The following TAFA1 variants were observed in gnomAD, a reference collection of about 807,000 sequenced individuals.
The protein encoded by TAFA1 is TAFA chemokine like family member 1, also known as chemokine-like protein TAFA-1.
A neutral mutation model predicts 18.5 loss-of-function variants in TAFA1; 4 were observed. The ratio of observed to expected loss-of-function variants is 0.22; its 90% confidence interval spans 0.11 to 0.49. TAFA1 has a LOEUF of 0.49. Ranked by LOEUF, TAFA1 falls within the 20% of genes least tolerant of loss-of-function variation. The pLI, the probability that TAFA1 is intolerant of heterozygous loss-of-function variation, is 0.98. For missense variants in TAFA1, 147 were observed against 169.0 expected (o/e 0.87, Z 0.72); for synonymous variants, 56 against 55.2 (o/e 1.01, Z -0.06).
intron 2 of TAFA1, among the ~76,000 whole-genome samples, chr3:68,229,618 A>G (rs942351717): frequency 1.3e-5 from 2 of 152,242 alleles, no homozygotes; most frequent in African/African-American, 4.8e-5. Context: ...ATTATAACAT[A>G]GTTGACGTTT....
intron 2 of TAFA1, among the ~76,000 whole-genome samples, chr3:68,303,343 G>C (rs899595083): frequency 6.6e-6 from 1 of 152,094 alleles, no homozygotes; most frequent in Non-Finnish European, 1.5e-5. Context: ...AGGAGCTTTT[G>C]GTTGACCATA....
chr3:68,262,068 G>A (rs888139200), intron 2 of TAFA1, among the ~76,000 whole-genome samples: 5 of 151,334 alleles, frequency 3.3e-5, no homozygotes, highest in African/African-American at 1.2e-4. Context: ...TGTGATCCAT[G>A]TTGAGCAAGT....
intron 3 of TAFA1, among the ~76,000 whole-genome samples, chr3:68,521,076 C>A (rs1046272213): frequency 6.6e-6 from 1 of 152,188 alleles, no homozygotes; most frequent in Non-Finnish European, 1.5e-5. Context: ...ACATAAGTGC[C>A]AGCCTTGCAG....
chr3:68,105,837 C>G (rs775265677), intron 2 of TAFA1, among the ~76,000 whole-genome samples: 4 of 152,076 alleles, frequency 2.6e-5, no homozygotes, highest in African/African-American at 9.7e-5. Context: ...TCAGCTGCCT[C>G]CCTATGTAAA....
intron 2 of TAFA1, among the ~76,000 whole-genome samples, chr3:68,380,522 T>C (rs1559642468): frequency 6.6e-6 from 1 of 152,232 alleles, no homozygotes; most frequent in Non-Finnish European, 1.5e-5. Context: ...TGGCCAGTGA[T>C]GATGAGCATT....
intron 3 of TAFA1, among the ~76,000 whole-genome samples, chr3:68,429,714 C>A (rs1312313548): frequency 1.3e-5 from 2 of 151,850 alleles, no homozygotes; most frequent in East Asian, 3.9e-4. Flanking sequence ...CATATCTCAA[C>A]ACTTGTTAAT....
At chr3:68,486,684 T>C (rs1054285667) in intron 3 of TAFA1, among the ~76,000 whole-genome samples, 35 of 152,248 alleles carry the variant, frequency 2.3e-4, no homozygotes, top group African/African-American at 7.0e-4. Flanking sequence ...TGACGACCTC[T>C]GGGTCTGCGA....
chr3:68,439,541 T>C (rs2071335663), intron 3 of TAFA1, among the ~76,000 whole-genome samples: 1 of 150,552 alleles, frequency 6.6e-6, no homozygotes, highest in Non-Finnish European at 1.5e-5. Flanking sequence ...GTCCCAAAGC[T>C]GAAGAACTTG....
In TAFA1 at chr3:68,305,746, T is replaced by C. The variant is rs897595530; in HGVS notation, c.119-111534T>C. On this transcript the variant is annotated intron_variant, in intron 2 of 4. Coordinates refer to ENST00000478136, the MANE Select transcript of TAFA1 (RefSeq NM_213609.4). Reference sequence around the variant, plus strand: ...GGGAAGAGGATATGTAATAGGAATATTGAGAGGCATCAGTGAAGTTGTTAA... The same window carrying C: ...GGGAAGAGGATATGTAATAGGAATACTGAGAGGCATCAGTGAAGTTGTTAA... 2.0e-5 allele frequency among the ~76,000 whole-genome samples: 3 copies of C among 151,992 alleles called. No individual in the cohort carries two copies. The East Asian group carries it at 5.8e-4, about 30-fold the overall frequency.
chr3:68,305,455 A>G (rs1380014398), intron 2 of TAFA1, among the ~76,000 whole-genome samples: 3 of 110,688 alleles, frequency 2.7e-5, no homozygotes, highest in African/African-American at 1.0e-4. Context: ...ATATATATAT[A>G]TAGGTAGAAG....
intron 2 of TAFA1, among the ~76,000 whole-genome samples, chr3:68,170,373 C>G (rs532840356): frequency 4.6e-5 from 7 of 152,294 alleles, no homozygotes; most frequent in Admixed American, 3.9e-4. Flanking sequence ...TGAAATTTCT[C>G]TGTGCAAACA....
intron 3 of TAFA1, among the ~76,000 whole-genome samples, chr3:68,427,508 GATAACTTTAT>G (rs2071079020): frequency 6.6e-6 from 1 of 151,828 alleles, no homozygotes; most frequent in Non-Finnish European, 1.5e-5. Context: ...GGAAAAATCT[GATAACTTTAT>G]ATAAGGAAGT....
chr3:68,330,985 G>A (rs1455445668), intron 2 of TAFA1, among the ~76,000 whole-genome samples: 1 of 151,922 alleles, frequency 6.6e-6, no homozygotes, highest in African/African-American at 2.4e-5. Flanking sequence ...AATTTTTACA[G>A]AATGTTCACA....
At position 68,254,172 on chromosome 3, in the gene TAFA1, T is replaced by TCTATCTATCTATCTAC. The variant is rs1553659962; in HGVS notation, c.119-163093_119-163092insCCTATCTATCTATCTA. Among the ~76,000 whole-genome samples, 1,275 of 149,052 alleles carry TCTATCTATCTATCTAC rather than the reference T, an allele frequency of 8.6e-3. 21 individuals carry two copies. Among genetic ancestry groups the TCTATCTATCTATCTAC allele is most frequent in the East Asian group, 0.039 (196 of 5,016 alleles). ...ATCTATCTATCTGTCTATCTATCTA[T>TCTATCTATCTATCTAC]CTATCTATCTATCTAATCTGTCTAT... On this transcript the variant is annotated intron_variant, in intron 2 of 4. Transcript: ENST00000478136.
chr3:68,542,241 C>T (rs969602268), intron 4 of TAFA1, among the ~76,000 whole-genome samples: 2 of 152,130 alleles, frequency 1.3e-5, no homozygotes, highest in Non-Finnish European at 2.9e-5. Flanking sequence ...GCAACACACA[C>T]ACTTCTGGGG....
intron 2 of TAFA1, among the ~76,000 whole-genome samples, chr3:68,211,634 T>G (rs1052071193): frequency 6.6e-6 from 1 of 152,046 alleles, no homozygotes. Context: ...AGAAAAGAGG[T>G]TTATTTGGCT....
intron 2 of TAFA1, chr3:68,144,895 A>T: frequency 1.5e-6 from 1 of 668,968 alleles, no homozygotes; most frequent in Non-Finnish European, 2.7e-6. Context: ...CTCATCAAAA[A>T]ATTGGAGATA....
At chr3:68,022,493 G>T (rs1192193300) in intron 2 of TAFA1, among the ~76,000 whole-genome samples, 1 of 151,884 alleles carries the variant, frequency 6.6e-6, no homozygotes. Flanking sequence ...TGGGGGGAAG[G>T]GTCTAAGACA....
intron 2 of TAFA1, among the ~76,000 whole-genome samples, chr3:68,046,848 G>C (rs150793245): frequency 7.5e-4 from 114 of 152,244 alleles, no homozygotes; most frequent in Middle Eastern, 3.4e-3. Flanking sequence ...ACATGCTGCT[G>C]TACTGTATCT....
Sources: allele counts gnomAD v4.1 joint callset (sites outside exome capture counted in the v4.1 genomes callset), GRCh38; gene constraint gnomAD v4.1.1; transcripts MANE v1.5; gene names NCBI Gene and HGNC (gene_info 2026-07-23, HGNC 2026-07-21).